Variants in IL1RAPL2 observed in about 807,000 individuals in gnomAD.
IL1RAPL2 encodes the protein X-linked interleukin-1 receptor accessory protein-like 2.
Under a neutral mutation model 44.1 loss-of-function variants are expected in IL1RAPL2, and 3 were observed. The ratio of observed to expected loss-of-function variants is 0.07; its 90% confidence interval spans 0.03 to 0.18. The LOEUF (loss-of-function observed/expected upper bound fraction) is 0.18. IL1RAPL2 is among the 10% of genes least tolerant of loss of function. The pLI is 1.00. For synonymous variants in IL1RAPL2, 181 were observed against 178.8 expected (o/e 1.01, Z -0.10); for missense variants, 391 against 496.4 (o/e 0.79, Z 2.02).
chrX:105,450,159 C>T (rs2036009503), intron 5 of IL1RAPL2, among the ~76,000 whole-genome samples: 1 of 112,092 alleles, frequency 8.9e-6, no homozygotes, highest in Admixed American at 9.4e-5. Flanking sequence ...ACTGGCTAAG[C>T]CCAACATGGC....
intron 5 of IL1RAPL2, among the ~76,000 whole-genome samples, chrX:105,335,409 GTC>G: frequency 9.0e-6 from 1 of 111,193 alleles, no homozygotes; most frequent in African/African-American, 3.3e-5. Context: ...TCCTCAGTGG[GTC>G]TCTCTGATGC....
chrX:105,625,451 G>T (rs1353804941), intron 6 of IL1RAPL2, among the ~76,000 whole-genome samples: 2 of 112,113 alleles, frequency 1.8e-5, no homozygotes, highest in South Asian at 3.7e-4. Context: ...TGTGGATGTG[G>T]TCACAACAAC....
intron 6 of IL1RAPL2, among the ~76,000 whole-genome samples, chrX:105,622,746 T>C (rs1264335944): frequency 9.0e-6 from 1 of 111,658 alleles, no homozygotes; most frequent in African/African-American, 3.2e-5. Context: ...TCTTTCCTTA[T>C]AATTAACCAT....
intron 6 of IL1RAPL2, among the ~76,000 whole-genome samples, chrX:105,593,153 T>C (rs1238482253): frequency 1.8e-5 from 2 of 111,923 alleles, no homozygotes; most frequent in East Asian, 5.6e-4. Context: ...TCTTTATTTT[T>C]TTCTGACCGA....
chrX:104,814,120 T>C (rs757765727), intron 2 of IL1RAPL2, among the ~76,000 whole-genome samples: 2 of 111,531 alleles, frequency 1.8e-5, no homozygotes, highest in Non-Finnish European at 3.8e-5. Flanking sequence ...AAAGAGGAGC[T>C]GTACTCAGAT....
intron 1 of IL1RAPL2, among the ~76,000 whole-genome samples, chrX:104,629,636 T>C (rs1929593234): frequency 8.9e-6 from 1 of 112,173 alleles, no homozygotes; most frequent in South Asian, 3.7e-4. Context: ...TTCCTCTGTT[T>C]TATTCCAGTA....
chrX:105,070,729 A>G (rs867466961), intron 2 of IL1RAPL2, among the ~76,000 whole-genome samples: 1 of 104,796 alleles, frequency 9.5e-6, no homozygotes, highest in Non-Finnish European at 2.0e-5. Context: ...ATATATATTT[A>G]TGTGTGTGTG....
chrX:104,935,153 A>T (rs1483237789), intron 2 of IL1RAPL2, among the ~76,000 whole-genome samples: 1 of 112,352 alleles, frequency 8.9e-6, no homozygotes, highest in Non-Finnish European at 1.9e-5. Context: ...ATTTTTTGTT[A>T]TGTTTGATGC....
intron 2 of IL1RAPL2, among the ~76,000 whole-genome samples, chrX:104,718,762 G>A (rs746298131): frequency 9.0e-6 from 1 of 111,367 alleles, no homozygotes; most frequent in Non-Finnish European, 1.9e-5. Context: ...GGTATATGCA[G>A]CCTCAATTTT....
intron 6 of IL1RAPL2, among the ~76,000 whole-genome samples, chrX:105,607,653 A>AT: frequency 9.5e-6 from 1 of 104,742 alleles, no homozygotes; most frequent in Admixed American, 1.0e-4. Context: ...AAAAAAAAAA[A>AT]AAAAAAAAAA....
intron 5 of IL1RAPL2, among the ~76,000 whole-genome samples, chrX:105,323,684 G>A (rs769967410): frequency 3.9e-4 from 43 of 111,628 alleles, no homozygotes; most frequent in African/African-American, 1.3e-3. Flanking sequence ...GACCAGCCTG[G>A]TGTCAACCAG....
At chrX:105,206,077 G>C (rs1186264591) in intron 3 of IL1RAPL2, among the ~76,000 whole-genome samples, 1 of 111,205 alleles carries the variant, frequency 9.0e-6, no homozygotes, top group Non-Finnish European at 1.9e-5. Flanking sequence ...TGTTGCTTTT[G>C]ACTGAAGCAA....
intron 2 of IL1RAPL2, among the ~76,000 whole-genome samples, chrX:105,155,029 C>T (rs151078662): frequency 0.012 from 1,296 of 111,499 alleles, 21 homozygotes; most frequent in African/African-American, 0.04. Flanking sequence ...CCTGTTGATC[C>T]TTCTTTGGTA....
At chrX:104,605,102 A>T (rs958201197) in intron 1 of IL1RAPL2, among the ~76,000 whole-genome samples, 2 of 112,164 alleles carry the variant, frequency 1.8e-5, no homozygotes, top group Non-Finnish European at 3.8e-5. Context: ...AAAGAACAGA[A>T]ATCATAACAA....
chrX:105,559,125 G>C (rs2036915400), intron 6 of IL1RAPL2, among the ~76,000 whole-genome samples: 1 of 111,795 alleles, frequency 8.9e-6, no homozygotes, highest in African/African-American at 3.2e-5. Context: ...GAGTTCAGAA[G>C]GAAACTATTT....
intron 3 of IL1RAPL2, chrX:105,219,278 T>TTGAGTA (rs782595598): frequency 1.1e-5 from 13 of 1,208,409 alleles, no homozygotes; most frequent in Middle Eastern, 4.6e-4. Flanking sequence ...GAAAAAGGGC[T>TTGAGTA]TGAGTATGAG....
At chrX:105,052,029 CTTG>C (rs951513390) in intron 2 of IL1RAPL2, among the ~76,000 whole-genome samples, 4 of 112,433 alleles carry the variant, frequency 3.6e-5, no homozygotes, top group African/African-American at 1.3e-4. Context: ...AAGGATTAGC[CTTG>C]TTATGACTGA....
At chrX:105,382,422 A>G (rs957121681) in intron 5 of IL1RAPL2, among the ~76,000 whole-genome samples, 2 of 109,687 alleles carry the variant, frequency 1.8e-5, no homozygotes, top group Admixed American at 1.9e-4. Context: ...ACAATGAGAT[A>G]CCACTTCACA....
intron 2 of IL1RAPL2, among the ~76,000 whole-genome samples, chrX:104,760,175 A>G (rs1214208611): frequency 8.9e-6 from 1 of 112,124 alleles, no homozygotes; most frequent in East Asian, 2.8e-4. Flanking sequence ...TTCTTTATCC[A>G]TTCATCTGTT....
Sources: gnomAD v4.1 joint callset for allele counts (sites outside exome capture counted in the v4.1 genomes callset) on GRCh38, gnomAD v4.1.1 for gene constraint, MANE v1.5 for transcripts, NCBI Gene and HGNC (gene_info 2026-07-23, HGNC 2026-07-21) for gene names.